The following EEPD1 variants were observed in gnomAD, a reference collection of about 807,000 sequenced individuals.
EEPD1 encodes the protein endonuclease/exonuclease/phosphatase family domain-containing protein 1.
Under a neutral mutation model 46.3 loss-of-function variants are expected in EEPD1, and 17 were observed. That is an observed-to-expected ratio of 0.37 (90% CI 0.25 to 0.55). The LOEUF is 0.55. EEPD1 is among the 20% of genes least tolerant of loss of function. EEPD1 has a pLI of 0.83. For missense variants in EEPD1, 673 were observed against 745.6 expected (o/e 0.90, Z 1.13); for synonymous variants, 313 against 315.6 (o/e 0.99, Z 0.09).
rs138586292 is a variant in EEPD1 at position 36,240,791 on chromosome 7, C to T, written c.930+1755C>T. On this transcript the variant is annotated intron_variant, in intron 3 of 7. Transcript: ENST00000242108. ...CCAGTTTCCTGGAAGAAAATTTTTC[C>T]GCAGACCTGGGTTGGGGGGATGGTT... Among the ~76,000 whole-genome samples the T allele has an allele frequency of 1.1e-3, 170 of 152,244 alleles. 4 individuals are homozygous for T. In the East Asian group the frequency reaches 0.026, roughly 24 times the overall value.
At chr7:36,232,683 G>A (rs1423675062) in intron 2 of EEPD1, among the ~76,000 whole-genome samples, 1 of 150,404 alleles carries the variant, frequency 6.6e-6, no homozygotes, top group Non-Finnish European at 1.5e-5. Flanking sequence ...GAATTTGGAA[G>A]CTGAATCTAA....
intron 3 of EEPD1, among the ~76,000 whole-genome samples, chr7:36,255,033 A>G (rs1191134103): frequency 1.3e-5 from 2 of 152,186 alleles, no homozygotes; most frequent in Non-Finnish European, 2.9e-5. Flanking sequence ...GATTCTGGAT[A>G]TTAGCCCTTT....
At chr7:36,258,381 G>A (rs1786860157) in intron 3 of EEPD1, among the ~76,000 whole-genome samples, 1 of 152,214 alleles carries the variant, frequency 6.6e-6, no homozygotes, top group Non-Finnish European at 1.5e-5. Context: ...GCTCTCTTAA[G>A]AGCTGGCAGG....
chr7:36,197,906 A>T lies in EEPD1; in HGVS notation c.879-41079A>T, dbSNP rs936820398. Among the ~76,000 whole-genome samples, 18 of 152,182 alleles carry T rather than the reference A, an allele frequency of 1.2e-4. No individual in the cohort carries two copies. In the East Asian group the frequency reaches 2.5e-3, roughly 21 times the overall value. On this transcript the variant is annotated intron_variant, in intron 2 of 7. Coordinates refer to ENST00000242108, the MANE Select transcript of EEPD1 (RefSeq NM_030636.3). ...AATGATCAATAAAAAAAAAAATAAA[A>T]AAATAAAAAAAAATATGGAAAATTC... is the stretch of plus-strand genomic sequence containing the variant.
At chr7:36,198,595 T>C (rs999473959) in intron 2 of EEPD1, among the ~76,000 whole-genome samples, 2 of 152,220 alleles carry the variant, frequency 1.3e-5, no homozygotes, top group Non-Finnish European at 2.9e-5. Context: ...GGGCGCTCTT[T>C]GGGGCATCAC....
intron 2 of EEPD1, among the ~76,000 whole-genome samples, chr7:36,232,456 G>A (rs144111664): frequency 1.4e-3 from 212 of 151,782 alleles, no homozygotes; most frequent in African/African-American, 4.8e-3. Flanking sequence ...CACCCGCCTC[G>A]GCCTCCTGAA....
intron 2 of EEPD1, among the ~76,000 whole-genome samples, chr7:36,228,411 C>A (rs894095488): frequency 5.9e-5 from 9 of 152,124 alleles, no homozygotes; most frequent in African/African-American, 2.2e-4. Context: ...CCTGTAGTCC[C>A]AGCTACTCAG....
At position 36,183,312 on chromosome 7, in the gene EEPD1, G is replaced by T. The variant is rs573548448; in HGVS notation, c.878+28110G>T. On this transcript the variant is annotated intron_variant, in intron 2 of 7. Transcript: ENST00000242108. Reference sequence around the variant, plus strand: ...TTGTGCTCCTAGTAGAACATAATAAGGACCCGGTCAGTCTGAGCATGATCT... The same window carrying T: ...TTGTGCTCCTAGTAGAACATAATAATGACCCGGTCAGTCTGAGCATGATCT... Among the ~76,000 whole-genome samples, 4 of 152,348 alleles carry T rather than the reference G, an allele frequency of 2.6e-5. No homozygotes were observed. In the East Asian group the frequency reaches 7.7e-4, roughly 29 times the overall value.
intron 2 of EEPD1, among the ~76,000 whole-genome samples, chr7:36,197,145 C>G (rs910338380): frequency 6.0e-5 from 9 of 150,638 alleles, no homozygotes; most frequent in Non-Finnish European, 1.0e-4. Context: ...GCAACCGCCC[C>G]GTCTGAGAAG....
chr7:36,246,376 G>A (rs1786641075), intron 3 of EEPD1, among the ~76,000 whole-genome samples: 1 of 152,216 alleles, frequency 6.6e-6, no homozygotes, highest in South Asian at 2.1e-4. Context: ...TTTTTAACAT[G>A]GAGCTTCAGA....
At chr7:36,254,837 C>T (rs561311567) in intron 3 of EEPD1, among the ~76,000 whole-genome samples, 17 of 152,220 alleles carry the variant, frequency 1.1e-4, no homozygotes, top group Non-Finnish European at 1.9e-4. Context: ...TTCTAACTGG[C>T]GTGAGATGGT....
intron 3 of EEPD1, among the ~76,000 whole-genome samples, chr7:36,263,224 C>T (rs1469480458): frequency 1.3e-5 from 2 of 151,956 alleles, no homozygotes; most frequent in South Asian, 2.1e-4. Context: ...CCCAGCTACT[C>T]GGGAGGCTGA....
At chr7:36,174,026 A>C (rs932092220) in intron 2 of EEPD1, among the ~76,000 whole-genome samples, 1 of 152,110 alleles carries the variant, frequency 6.6e-6, no homozygotes. Context: ...TGGCTGTGGG[A>C]ATAGTTTATA....
At chr7:36,267,862 C>T (rs1173409232) in intron 3 of EEPD1, among the ~76,000 whole-genome samples, 1 of 152,062 alleles carries the variant, frequency 6.6e-6, no homozygotes, top group Non-Finnish European at 1.5e-5. Context: ...AGGGGTACAG[C>T]CCTCATCAAT....
chr7:36,239,487 G>T (rs533285025), intron 3 of EEPD1, among the ~76,000 whole-genome samples: 1 of 152,242 alleles, frequency 6.6e-6, no homozygotes, highest in South Asian at 2.1e-4. Context: ...GAGGAGTGAT[G>T]ATTTGAATCC....
At chr7:36,182,272 C>G (rs866478158) in intron 2 of EEPD1, among the ~76,000 whole-genome samples, 7 of 152,302 alleles carry the variant, frequency 4.6e-5, no homozygotes, top group Middle Eastern at 6.8e-3. Context: ...TATATATCTT[C>G]TTTGCATTTT....
At chr7:36,233,911 GTTTT>G in intron 2 of EEPD1, among the ~76,000 whole-genome samples, 1 of 152,172 alleles carries the variant, frequency 6.6e-6, no homozygotes. Flanking sequence ...TGGGTTTTTT[GTTTT>G]TTGTTTGTTT....
chr7:36,184,014 T>A (rs992304315), intron 2 of EEPD1, among the ~76,000 whole-genome samples: 2 of 152,146 alleles, frequency 1.3e-5, no homozygotes, highest in African/African-American at 2.4e-5. Context: ...CTGGACTTGA[T>A]TTTTTTAGCT....
chr7:36,212,848 A>G (rs1655708794), intron 2 of EEPD1, among the ~76,000 whole-genome samples: 1 of 152,230 alleles, frequency 6.6e-6, no homozygotes, highest in South Asian at 2.1e-4. Flanking sequence ...TAACAAAAGT[A>G]TACCTTAAGA....
Sources: allele counts gnomAD v4.1 joint callset (sites outside exome capture counted in the v4.1 genomes callset), GRCh38; gene constraint gnomAD v4.1.1; transcripts MANE v1.5; gene names NCBI Gene and HGNC (gene_info 2026-07-23, HGNC 2026-07-21).